Variants in KIF3B observed in about 807,000 individuals in gnomAD.
KIF3B encodes the protein kinesin family member 3B.
Under a neutral mutation model 74.3 loss-of-function variants are expected in KIF3B, and 38 were observed. The ratio of observed to expected loss-of-function variants is 0.51; its 90% CI spans 0.39 to 0.67. KIF3B has a LOEUF of 0.67. Among genes scored for constraint, KIF3B ranks in the 30% least tolerant of loss-of-function variants. The pLI is 0.00. For synonymous variants in KIF3B, 326 were observed against 342.5 expected (o/e 0.95, Z 0.53); for missense variants, 649 against 932.0 (o/e 0.70, Z 3.95).
chr20:32,300,811 T>C (rs1326375096), intron 1 of KIF3B, among the ~76,000 whole-genome samples: 1 of 151,232 alleles, frequency 6.6e-6, no homozygotes, highest in Non-Finnish European at 1.5e-5. Flanking sequence ...AGGATATACA[T>C]AGATAGAGAA....
At chr20:32,325,423 C>T (rs1463766355) in intron 5 of KIF3B, among the ~76,000 whole-genome samples, 1 of 152,058 alleles carries the variant, frequency 6.6e-6, no homozygotes, top group Non-Finnish European at 1.5e-5. Context: ...CTCCTGACCT[C>T]AGGTGATCCA....
intron 1 of KIF3B, among the ~76,000 whole-genome samples, chr20:32,279,721 C>T (rs763446307): frequency 5.9e-5 from 9 of 152,196 alleles, no homozygotes; most frequent in Non-Finnish European, 8.8e-5. Flanking sequence ...GCCTTGGCCT[C>T]CCAAAGGACT....
rs765008357 is a variant in KIF3B, at chr20:32,327,688, T to C, written c.1968+27T>C. On this transcript the variant is annotated intron_variant, in intron 7 of 8. Transcript: ENST00000375712. ...TGAGAAGATCCTTCTTGGGTTTTTC[T>C]CCTGTCTCTTTTGGAGTCTAGATTT... 34 of 1,566,394 alleles carry C rather than the reference T, an allele frequency of 2.2e-5. 1 individual carries two copies. The highest frequency in any genetic ancestry group is 2.7e-5 in the Non-Finnish European group (31 of 1,138,062).
intron 1 of KIF3B, among the ~76,000 whole-genome samples, chr20:32,294,581 T>G (rs539966017): frequency 6.6e-6 from 1 of 152,344 alleles, no homozygotes; most frequent in South Asian, 2.1e-4. Context: ...CTTTTCAATG[T>G]TAAAAGCTAA....
At chr20:32,322,040 A>G (rs531440343) in intron 5 of KIF3B, among the ~76,000 whole-genome samples, 1 of 152,166 alleles carries the variant, frequency 6.6e-6, no homozygotes, top group African/African-American at 2.4e-5. Context: ...CAATTTCTGC[A>G]AACAAAGCCA....
At chr20:32,305,013 T>C (rs1434121701) in intron 1 of KIF3B, among the ~76,000 whole-genome samples, 1 of 149,192 alleles carries the variant, frequency 6.7e-6, no homozygotes, top group African/African-American at 2.5e-5. Flanking sequence ...CCGGGCATGG[T>C]GGTGGGTGCC....
Position 32,296,783 on chromosome 20 carries a change from G to A in KIF3B, c.-65-12930G>A, listed in dbSNP as rs557796612. ...ACCATTTTCTCAATATGTATAAAACGTCTTTTTAAAAGTTCTGCAGGACAG... is the reference window on the plus strand; with the variant it reads ...ACCATTTTCTCAATATGTATAAAACATCTTTTTAAAAGTTCTGCAGGACAG... On this transcript the variant is annotated intron_variant, in intron 1 of 8. Coordinates refer to ENST00000375712, the MANE Select transcript of KIF3B (RefSeq NM_004798.4). Among the ~76,000 whole-genome samples, 40 of 152,070 alleles carry A rather than the reference G, an allele frequency of 2.6e-4. No homozygotes were observed. In the South Asian group the frequency reaches 5.4e-3, roughly 21 times the overall value.
chr20:32,331,265 A>G lies in KIF3B; in HGVS notation c.2190A>G (p.Ser730=). ...AGTCGGGATCCTCCTCCTCTTCCTC[A>G]GGAACCCCTGCATCTCAGCTTTATC... ...GRKSGSSSSS[S]GTPASQLYPQ... is the part of the protein sequence containing the mutation. The change falls in exon 9 of 9, where the codon TCA becomes TCG. Residue 730 remains serine, a synonymous_variant. Coordinates refer to ENST00000375712, the MANE Select transcript of KIF3B (RefSeq NM_004798.4). 6.2e-7 allele frequency: 1 copy of G among 1,613,552 alleles called. No homozygotes were observed. Among genetic ancestry groups the G allele is most frequent in the Non-Finnish European group, 8.5e-7 (1 of 1,179,850 alleles).
At position 32,288,363 on chromosome 20, in the gene KIF3B, A is replaced by T. The variant is rs113416653; in HGVS notation, c.-66+10598A>T. On this transcript the variant is annotated intron_variant, in intron 1 of 8. Transcript: ENST00000375712. ...AATTTACCCGGGTGCAGTGGCTTGC[A>T]CCTGTACTCCCAACTACTCGGGAAG... is the stretch of plus-strand genomic sequence containing the variant. 1.6e-3 allele frequency among the ~76,000 whole-genome samples: 242 copies of T among 152,080 alleles called. 1 individual carries two copies. The highest frequency in any genetic ancestry group is 5.7e-3 in the African/African-American group (235 of 41,504).
intron 5 of KIF3B, among the ~76,000 whole-genome samples, chr20:32,326,150 A>C (rs1278971667): frequency 1.3e-5 from 2 of 152,070 alleles, no homozygotes; most frequent in Non-Finnish European, 2.9e-5. Flanking sequence ...CCATAGAGAG[A>C]CACCACCAGT....
Position 32,310,925 on chromosome 20 carries a change from G to C in KIF3B, c.1148G>C (p.Arg383Pro), listed in dbSNP as rs749727452. Reference sequence around the variant, plus strand: ...GGTAGGAGGAAGAGGCGAGAGAAGCGGAGGGAAGGTGGTGGCAGTGGTGGG... The same window carrying C: ...GGTAGGAGGAAGAGGCGAGAGAAGCCGAGGGAAGGTGGTGGCAGTGGTGGG... ...SIGRRKRREK[R>P]REGGGSGGGG... Residue 383 changes from arginine (R) to proline (P), a missense_variant, in exon 2 of 9, where the codon CGG becomes CCG. Coordinates refer to ENST00000375712, the MANE Select transcript of KIF3B (RefSeq NM_004798.4). This position sits in a 1 kb window ranked among gnomAD's most constrained non-coding sequence, Gnocchi z 6.5. The C allele has an allele frequency of 6.2e-7, 1 of 1,613,792 alleles. No individual in the cohort carries two copies. Among genetic ancestry groups the C allele is most frequent in the East Asian group, 2.2e-5 (1 of 44,880 alleles).
At chr20:32,278,838 A>G (rs1259981995) in intron 1 of KIF3B, among the ~76,000 whole-genome samples, 1 of 151,924 alleles carries the variant, frequency 6.6e-6, no homozygotes, top group African/African-American at 2.4e-5. Context: ...AGACTTTGCC[A>G]GGTGCCTGGT....
chr20:32,301,948 G>A (rs2047746232), intron 1 of KIF3B, among the ~76,000 whole-genome samples: 1 of 152,210 alleles, frequency 6.6e-6, no homozygotes, highest in Admixed American at 6.5e-5. Flanking sequence ...AAGAGTTGAG[G>A]TTGGGGAATT....
chr20:32,324,757 G>A (rs6141289), intron 5 of KIF3B, among the ~76,000 whole-genome samples: 52,910 of 151,976 alleles, frequency 0.35, 10,400 homozygotes, highest in East Asian at 0.74. Context: ...GGCAAGGTGC[G>A]GTGGCTCATG....
chr20:32,323,693 A>T (rs1472573369), intron 5 of KIF3B, among the ~76,000 whole-genome samples: 1 of 152,050 alleles, frequency 6.6e-6, no homozygotes, highest in African/African-American at 2.4e-5. Context: ...CCTGGCCAAG[A>T]TGGTGAAACC....
chr20:32,326,650 TG>T, intron 5 of KIF3B, 120 bp from the exon 6 acceptor site: 1 of 622,020 alleles, frequency 1.6e-6, no homozygotes, highest in East Asian at 2.6e-5. Flanking sequence ...TCGTACTTGC[TG>T]AGTAAATGTT....
chr20:32,296,235 G>A (rs1327173392), intron 1 of KIF3B, among the ~76,000 whole-genome samples: 1 of 151,962 alleles, frequency 6.6e-6, no homozygotes, highest in African/African-American at 2.4e-5. Flanking sequence ...AGTAACCCCT[G>A]TATATTTGTT....
At chr20:32,312,828 T>C (rs1233605565) in intron 2 of KIF3B, among the ~76,000 whole-genome samples, 2 of 152,188 alleles carry the variant, frequency 1.3e-5, no homozygotes, top group Non-Finnish European at 2.9e-5. Context: ...AGCTTCAACT[T>C]CTCTAGACAA....
chr20:32,300,046 G>A (rs778313372), intron 1 of KIF3B, among the ~76,000 whole-genome samples: 6 of 152,014 alleles, frequency 3.9e-5, no homozygotes, highest in Non-Finnish European at 8.8e-5. Context: ...AAAGTACTGG[G>A]GTTATAGGTG....
Sources: allele counts gnomAD v4.1 joint callset (sites outside exome capture counted in the v4.1 genomes callset), GRCh38; gene constraint gnomAD v4.1.1; non-coding constraint Gnocchi (gnomAD v3.1); transcripts MANE v1.5; gene names NCBI Gene and HGNC (gene_info 2026-07-23, HGNC 2026-07-21).